OMA1: variants seen among roughly 807,000 people sequenced by gnomAD.
The protein encoded by OMA1 is metalloendopeptidase OMA1, mitochondrial.
Under a neutral mutation model 30.9 loss-of-function variants are expected in OMA1, and 38 were observed. The ratio of observed to expected loss-of-function variants is 1.23; its 90% CI spans 0.95 to 1.61. The LOEUF (loss-of-function observed/expected upper bound fraction) is 1.61. Ranked by LOEUF, OMA1 falls within the 40% of genes most tolerant of loss-of-function variation. OMA1 has a pLI of 0.00. For synonymous variants in OMA1, 173 were observed against 121.9 expected (o/e 1.42, Z -2.76); for missense variants, 461 against 349.2 (o/e 1.32, Z -2.55).
At position 58,536,510 on chromosome 1, in the gene OMA1, T is replaced by C. The variant is rs1187980101; in HGVS notation, c.729+3A>G. The C allele has an allele frequency of 2.3e-6, 2 of 869,242 alleles. No individual in the cohort carries two copies. Among genetic ancestry groups the C allele is most frequent in the Non-Finnish European group, 4.0e-6 (2 of 498,962 alleles). The allele number at this position is 869,242 out of a possible 1,614,324, so 53.8% of individuals were successfully genotyped here. On this transcript the variant is annotated splice_donor_region_variant and intron_variant, in intron 3 of 8. Transcript: ENST00000371226. ...CTAATTAAAAACAACTCTTACTACT[T>C]ACTGCTTCATATTCCAGTTCCGATA... is the stretch of plus-strand genomic sequence containing the variant.
At chr1:58,529,059 C>T (rs1271938330) in intron 6 of OMA1, among the ~76,000 whole-genome samples, 1 of 151,998 alleles carries the variant, frequency 6.6e-6, no homozygotes, top group Non-Finnish European at 1.5e-5. Context: ...AATTTCCTGG[C>T]GGGTCAGTGA....
chr1:58,538,838 T>A lies in OMA1; in HGVS notation c.457A>T (p.Ile153Phe), dbSNP rs1450386633. 1.2e-6 allele frequency: 1 copy of A among 865,248 alleles called. No individual in the cohort carries two copies. Among genetic ancestry groups the A allele is most frequent in the Non-Finnish European group, 2.0e-6 (1 of 499,688 alleles). The allele number at this position is 865,248 out of a possible 1,614,324, so 53.6% of individuals were successfully genotyped here. Reference sequence around the variant, plus strand: ...AATAACTTCTGTACTGGTTTAAGAATCATCAACAAGAGAGGAACCGGAGCA... The same window carrying A: ...AATAACTTCTGTACTGGTTTAAGAAACATCAACAAGAGAGGAACCGGAGCA... ...QAAPVPLLLMILKPVQKLFAI... is the reference protein window; with the variant it reads ...QAAPVPLLLMFLKPVQKLFAI... The change falls in exon 2 of 9, where the codon ATT becomes TTT. Residue 153 changes from isoleucine (I) to phenylalanine (F), a missense_variant. Physicochemically the swap from Ile to Phe is conservative, Grantham distance 21. Coordinates refer to ENST00000371226, the MANE Select transcript of OMA1 (RefSeq NM_145243.5).
rs549898123 is a variant in OMA1 at position 58,483,654 on chromosome 1, C to T, written c.1366-2480G>A. 7.0e-4 allele frequency among the ~76,000 whole-genome samples: 107 copies of T among 152,102 alleles called. 1 individual carries two copies. The highest frequency in any genetic ancestry group is 1.1e-3 in the Non-Finnish European group (73 of 68,032). On this transcript the variant is annotated intron_variant, in intron 8 of 8. Coordinates refer to ENST00000371226, the MANE Select transcript of OMA1 (RefSeq NM_145243.5). ...ACAAGAAAATGTTTCCCAACTATAG[C>T]ACTTACAGCACTTAAGTAAACAGAA... is the stretch of plus-strand genomic sequence containing the variant.
intron 8 of OMA1, among the ~76,000 whole-genome samples, chr1:58,504,420 C>T (rs529080962): frequency 9.2e-5 from 14 of 152,294 alleles, no homozygotes; most frequent in African/African-American, 2.9e-4. Context: ...TGCTTCCTTC[C>T]GGATTCTGAT....
chr1:58,528,139 A>G (rs777532581), intron 6 of OMA1, among the ~76,000 whole-genome samples: 2 of 152,190 alleles, frequency 1.3e-5, no homozygotes, highest in Non-Finnish European at 2.9e-5. Flanking sequence ...TTCCTTTTCA[A>G]TCAGTCTGTT....
At chr1:58,506,265 A>C in intron 7 of OMA1, 56 bp from the exon 8 acceptor site, 1 of 791,770 alleles carries the variant, frequency 1.3e-6, no homozygotes, top group Non-Finnish European at 2.2e-6. Flanking sequence ...GATTTTTTAA[A>C]AACTACTACT....
At chr1:58,502,439 ACT>A (rs1645921679) in intron 8 of OMA1, among the ~76,000 whole-genome samples, 1 of 152,046 alleles carries the variant, frequency 6.6e-6, no homozygotes, top group South Asian at 2.1e-4. Context: ...TTTTTAGATG[ACT>A]CTGAAACTCT....
chr1:58,527,487 A>C, intron 6 of OMA1, 152 bp from the exon 7 acceptor site: 1 of 585,480 alleles, frequency 1.7e-6, no homozygotes, highest in Non-Finnish European at 3.0e-6. Context: ...CATGATATAA[A>C]ATATAAACAC....
At chr1:58,506,663 A>T (rs1645995064) in intron 7 of OMA1, among the ~76,000 whole-genome samples, 2 of 152,210 alleles carry the variant, frequency 1.3e-5, no homozygotes, top group South Asian at 4.1e-4. Context: ...CTTTTACACA[A>T]ATTAAAAATT....
In OMA1 at chr1:58,525,155, A is replaced by T. The variant is rs184456804; in HGVS notation, c.1215+2106T>A. Among the ~76,000 whole-genome samples the T allele has an allele frequency of 5.1e-3, 778 of 152,304 alleles. 8 individuals carry two copies. The highest frequency in any genetic ancestry group is 0.018 in the African/African-American group (742 of 41,580). On this transcript the variant is annotated intron_variant, in intron 7 of 8. Transcript: ENST00000371226. ...CATAACCGATTTGTGTTTTATGGTAAAAAATTATAAAAGACTAATATCTAC... is the reference window on the plus strand; with the variant it reads ...CATAACCGATTTGTGTTTTATGGTATAAAATTATAAAAGACTAATATCTAC...
chr1:58,531,619 T>C (rs906756044), intron 5 of OMA1, among the ~76,000 whole-genome samples: 3 of 152,172 alleles, frequency 2.0e-5, no homozygotes, highest in African/African-American at 7.2e-5. Context: ...TTAACAAATA[T>C]TGTACCCTCA....
At chr1:58,523,760 A>G (rs6687082) in intron 7 of OMA1, among the ~76,000 whole-genome samples, 148,828 of 152,088 alleles carry the variant, frequency 0.98, 72,899 homozygotes, top group East Asian at 1. Flanking sequence ...TTAGCCGGGC[A>G]TGGTGGTGGG....
intron 7 of OMA1, among the ~76,000 whole-genome samples, chr1:58,509,378 A>G (rs1470475756): frequency 1.3e-5 from 2 of 152,022 alleles, no homozygotes; most frequent in African/African-American, 4.8e-5. Context: ...GCACACTCCT[A>G]AACAACATAC....
intron 5 of OMA1, among the ~76,000 whole-genome samples, chr1:58,532,321 T>G (rs999228629): frequency 1.3e-5 from 2 of 152,170 alleles, no homozygotes; most frequent in African/African-American, 4.8e-5. Context: ...GTTCTTGCAC[T>G]GATAGAGATG....
intron 5 of OMA1, among the ~76,000 whole-genome samples, chr1:58,532,097 T>C (rs1646443106): frequency 6.6e-6 from 1 of 152,178 alleles, no homozygotes; most frequent in Admixed American, 6.5e-5. Flanking sequence ...AAGAATATAA[T>C]TGCTATTATA....
At chr1:58,507,801 C>T (rs1029385532) in intron 7 of OMA1, among the ~76,000 whole-genome samples, 2 of 151,990 alleles carry the variant, frequency 1.3e-5, no homozygotes, top group African/African-American at 4.8e-5. Flanking sequence ...TAGGTAATCA[C>T]ATTCACAATA....
In OMA1 at chr1:58,533,949, T is replaced by G; in HGVS notation, c.1011+4A>C. On this transcript the variant is annotated splice_donor_region_variant and intron_variant, in intron 5 of 8. Coordinates refer to ENST00000371226, the MANE Select transcript of OMA1 (RefSeq NM_145243.5). ...AAACCTGAACATTCATTTTAGGTAC[T>G]TACAGCATGCCCAAGTACTGCATGT... The G allele has an allele frequency of 1.1e-6, 1 of 872,074 alleles. No homozygotes were observed. The highest frequency in any genetic ancestry group is 2.0e-6 in the Non-Finnish European group (1 of 501,142). 54.0% of individuals were successfully genotyped at this position (872,074 alleles called of 1,614,324 possible).
intron 8 of OMA1, among the ~76,000 whole-genome samples, chr1:58,505,618 TA>T (rs958215102): frequency 3.3e-5 from 5 of 151,916 alleles, no homozygotes; most frequent in Non-Finnish European, 1.5e-5. Flanking sequence ...TTTTTTTTCC[TA>T]AAAAAACAAA....
chr1:58,523,272 G>A (rs989445544), intron 7 of OMA1, among the ~76,000 whole-genome samples: 1 of 152,138 alleles, frequency 6.6e-6, no homozygotes, highest in Non-Finnish European at 1.5e-5. Flanking sequence ...GACTGGCTCT[G>A]TGTGGTCACG....
Sources: gnomAD v4.1 joint callset for allele counts (sites outside exome capture counted in the v4.1 genomes callset) on GRCh38, gnomAD v4.1.1 for gene constraint, MANE v1.5 for transcripts, NCBI Gene and HGNC (gene_info 2026-07-23, HGNC 2026-07-21) for gene names.